CNTNAP2: variants seen among roughly 807,000 people sequenced by gnomAD.
CNTNAP2 encodes the protein contactin-associated protein-like 2.
Under a neutral mutation model 155.2 loss-of-function variants are expected in CNTNAP2, and 98 were observed. That is an observed-to-expected ratio of 0.63 (90% confidence interval 0.54 to 0.75). CNTNAP2 has a LOEUF of 0.75. CNTNAP2 is among the 30% of genes least tolerant of loss of function. The probability of loss-of-function intolerance (pLI) is 0.00; values close to 1 mark genes in which losing one functional copy is unlikely to be tolerated. For synonymous variants in CNTNAP2, 651 were observed against 631.2 expected, an observed-to-expected ratio of 1.03 and a Z score of -0.47; for missense variants, 1,727 against 1,688.1, an observed-to-expected ratio of 1.02 and a Z score of -0.40.
At chr7:147,315,320 T>A (rs1795205598) in intron 9 of CNTNAP2, among the ~76,000 whole-genome samples, 2 of 150,788 alleles carry the variant, frequency 1.3e-5, no homozygotes, top group Admixed American at 6.6e-5. Flanking sequence ...CTTGTAACTA[T>A]CACCACAATC....
intron 6 of CNTNAP2, among the ~76,000 whole-genome samples, chr7:147,124,624 A>T (rs1158079257): frequency 1.3e-5 from 2 of 152,172 alleles, no homozygotes; most frequent in Non-Finnish European, 1.5e-5. Flanking sequence ...GTGTAGAGAT[A>T]AATTCTGAAT....
intron 8 of CNTNAP2, among the ~76,000 whole-genome samples, chr7:147,287,765 T>A (rs1224864363): frequency 6.6e-6 from 1 of 152,118 alleles, no homozygotes; most frequent in East Asian, 1.9e-4. Flanking sequence ...TACAGTTAAA[T>A]GGCATCAATT....
chr7:147,105,812 G>T (rs1396084940), intron 4 of CNTNAP2, among the ~76,000 whole-genome samples: 1 of 151,932 alleles, frequency 6.6e-6, no homozygotes, highest in Non-Finnish European at 1.5e-5. Context: ...TCTTTGTAGG[G>T]AATCTAGGTT....
chr7:148,082,707 TCTCA>T (rs1227824856), intron 15 of CNTNAP2, among the ~76,000 whole-genome samples: 3 of 151,726 alleles, frequency 2.0e-5, no homozygotes, highest in Admixed American at 6.6e-5. Context: ...TGTGACAGAG[TCTCA>T]CTCTGTCACC....
intron 4 of CNTNAP2, among the ~76,000 whole-genome samples, chr7:147,064,685 T>C (rs1799746341): frequency 6.6e-6 from 1 of 152,186 alleles, no homozygotes; most frequent in Non-Finnish European, 1.5e-5. Context: ...AGAGGGGACT[T>C]ATTCAATGTC....
intron 8 of CNTNAP2, among the ~76,000 whole-genome samples, chr7:147,290,166 G>A (rs1224769765): frequency 6.6e-6 from 1 of 152,100 alleles, no homozygotes; most frequent in Non-Finnish European, 1.5e-5. Flanking sequence ...CTTGTTTTGT[G>A]TGTGTTTCTG....
intron 3 of CNTNAP2, among the ~76,000 whole-genome samples, chr7:147,015,059 A>G (rs1175414970): frequency 2.0e-5 from 3 of 151,892 alleles, no homozygotes; most frequent in African/African-American, 4.8e-5. Flanking sequence ...ATTGTGCTCA[A>G]TGAATGTTTA....
At chr7:147,176,782 AT>A (rs1802353245) in intron 8 of CNTNAP2, among the ~76,000 whole-genome samples, 1 of 121,154 alleles carries the variant, frequency 8.3e-6, no homozygotes, top group Non-Finnish European at 1.6e-5. Flanking sequence ...ATTATATATA[AT>A]TATAATTATA....
chr7:146,502,582 A>C (rs142665070), intron 1 of CNTNAP2, among the ~76,000 whole-genome samples: 14 of 152,088 alleles, frequency 9.2e-5, no homozygotes, highest in South Asian at 2.1e-4. Flanking sequence ...TAGTCATTTT[A>C]AGTGGAGTGA....
chr7:147,549,087 G>A (rs1799799051), intron 11 of CNTNAP2, among the ~76,000 whole-genome samples: 1 of 152,072 alleles, frequency 6.6e-6, no homozygotes, highest in African/African-American at 2.4e-5. Flanking sequence ...TGGCTATTTG[G>A]GGTCTTCTTT....
At chr7:147,689,841 G>A (rs1253061632) in intron 13 of CNTNAP2, among the ~76,000 whole-genome samples, 7 of 152,140 alleles carry the variant, frequency 4.6e-5, no homozygotes, top group Admixed American at 2.6e-4. Context: ...CAAATTGCAG[G>A]AGACAGTATG....
At chr7:147,787,295 T>C (rs889613399) in intron 13 of CNTNAP2, among the ~76,000 whole-genome samples, 12 of 152,180 alleles carry the variant, frequency 7.9e-5, no homozygotes, top group Non-Finnish European at 1.8e-4. Context: ...TGGTATGATG[T>C]GGGTGCTTCA....
intron 22 of CNTNAP2, among the ~76,000 whole-genome samples, chr7:148,390,807 A>G (rs1011237072): frequency 6.6e-6 from 1 of 152,180 alleles, no homozygotes; most frequent in African/African-American, 2.4e-5. Flanking sequence ...AACAAACACT[A>G]TTTGTTACCT....
chr7:146,971,666 C>A (rs1344951416), intron 3 of CNTNAP2, among the ~76,000 whole-genome samples: 1 of 152,094 alleles, frequency 6.6e-6, no homozygotes, highest in Non-Finnish European at 1.5e-5. Flanking sequence ...TGCCAACTCC[C>A]TGTTGCATCC....
At chr7:146,352,262 AT>A (rs1487309574) in intron 1 of CNTNAP2, among the ~76,000 whole-genome samples, 1 of 152,218 alleles carries the variant, frequency 6.6e-6, no homozygotes, top group African/African-American at 2.4e-5. Context: ...TATAGCTGGA[AT>A]TAAAATAATT....
intron 21 of CNTNAP2, among the ~76,000 whole-genome samples, chr7:148,374,721 A>C (rs1277262602): frequency 1.3e-5 from 2 of 152,224 alleles, no homozygotes; most frequent in Non-Finnish European, 2.9e-5. Flanking sequence ...AAAATGCAAA[A>C]GTGGAAACAT....
intron 1 of CNTNAP2, among the ~76,000 whole-genome samples, chr7:146,364,388 C>T (rs777878268): frequency 2.0e-5 from 3 of 152,062 alleles, no homozygotes; most frequent in Non-Finnish European, 4.4e-5. Context: ...GACAGAGTTT[C>T]GTTTAGAATG....
At chr7:148,258,637 C>T (rs1563014922) in intron 20 of CNTNAP2, among the ~76,000 whole-genome samples, 2 of 152,104 alleles carry the variant, frequency 1.3e-5, no homozygotes, top group Admixed American at 1.3e-4. Flanking sequence ...ATAAGGGGTG[C>T]GAGTTGAGCT....
intron 13 of CNTNAP2, among the ~76,000 whole-genome samples, chr7:147,816,500 G>T (rs772260970): frequency 4.6e-5 from 7 of 152,124 alleles, no homozygotes; most frequent in Non-Finnish European, 1.0e-4. Context: ...TTTGAGATTG[G>T]AATTATTCTG....
Sources: allele counts gnomAD v4.1 joint callset (sites outside exome capture counted in the v4.1 genomes callset), GRCh38; gene constraint gnomAD v4.1.1; transcripts MANE v1.5; gene names NCBI Gene and HGNC (gene_info 2026-07-23, HGNC 2026-07-21).